SLC8A1: variants seen among roughly 807,000 people sequenced by gnomAD.
SLC8A1 encodes sodium/calcium exchanger 1.
SLC8A1 carries 18 observed loss-of-function variants against 68.3 expected under a neutral mutation model. The ratio of observed to expected loss-of-function variants is 0.26; its 90% confidence interval spans 0.18 to 0.39. SLC8A1 has a LOEUF of 0.39. Ranked by LOEUF, SLC8A1 falls within the 10% of genes least tolerant of loss-of-function variation. The probability of loss-of-function intolerance (pLI) is 1.00; values close to 1 mark genes in which losing one functional copy is unlikely to be tolerated. For synonymous variants in SLC8A1, 475 were observed against 415.5 expected, an observed-to-expected ratio of 1.14 and a Z score of -1.74; for missense variants, 985 against 1,156.7, an observed-to-expected ratio of 0.85 and a Z score of 2.15.
At chr2:40,348,737 T>A (rs967960016) in intron 2 of SLC8A1, among the ~76,000 whole-genome samples, 3 of 151,986 alleles carry the variant, frequency 2.0e-5, no homozygotes, top group Non-Finnish European at 4.4e-5. Flanking sequence ...TGCCATGTCT[T>A]GCCCTTAATG....
intron 2 of SLC8A1, among the ~76,000 whole-genome samples, chr2:40,410,013 G>T (rs1025823490): frequency 6.6e-6 from 1 of 152,038 alleles, no homozygotes; most frequent in African/African-American, 2.4e-5. Context: ...GGGAAAAAAA[G>T]GGGGAGGGGA....
At chr2:40,466,347 C>T (rs1251988072) in intron 1 of SLC8A1, among the ~76,000 whole-genome samples, 1 of 152,062 alleles carries the variant, frequency 6.6e-6, no homozygotes, top group Non-Finnish European at 1.5e-5. Context: ...TTTTGTGGAA[C>T]GATATACCCG....
intron 2 of SLC8A1, among the ~76,000 whole-genome samples, chr2:40,244,550 CATG>C (rs2061600562): frequency 9.0e-6 from 1 of 111,126 alleles, no homozygotes; most frequent in Admixed American, 1.2e-4. Context: ...AAGTGGTGTG[CATG>C]ATATGAAAAA....
Position 40,257,800 on chromosome 2 carries a change from T to C in SLC8A1, c.1809-79945A>G, listed in dbSNP as rs375075993. 1.9e-3 allele frequency among the ~76,000 whole-genome samples: 289 copies of C among 152,348 alleles called. 1 individual carries two copies. Among genetic ancestry groups the C allele is most frequent in the African/African-American group, 6.7e-3 (277 of 41,568 alleles). ...TCTAAATTTGACCTTCATGAAATTC[T>C]CCAGTAACTTTTTCTGCTCTGTCTT... On this transcript the variant is annotated intron_variant, in intron 2 of 7. Transcript: ENST00000406785.
chr2:40,302,369 C>T (rs13407512), intron 2 of SLC8A1, among the ~76,000 whole-genome samples: 1 of 151,288 alleles, frequency 6.6e-6, no homozygotes, highest in Non-Finnish European at 1.5e-5. Flanking sequence ...GAATAATAGT[C>T]TCCAGTTCCC....
Position 40,386,505 on chromosome 2 carries a change from C to T in SLC8A1, c.1808+41968G>A, listed in dbSNP as rs1004601149. ...AATAAAGCCTAAAGCTATTTTAGAT[C>T]AGGATTTTTATTTAACATCAAGTAA... On this transcript the variant is annotated intron_variant, in intron 2 of 7. Transcript: ENST00000406785. Among the ~76,000 whole-genome samples, 2 of 130,304 alleles carry T rather than the reference C, an allele frequency of 1.5e-5. 1 individual carries two copies. Among genetic ancestry groups the T allele is most frequent in the African/African-American group, 5.4e-5 (2 of 36,892 alleles). 85.5% of individuals were successfully genotyped at this position (130,304 alleles called of 152,430 possible).
intron 2 of SLC8A1, among the ~76,000 whole-genome samples, chr2:40,347,069 C>T (rs538250989): frequency 6.6e-6 from 1 of 152,302 alleles, no homozygotes; most frequent in East Asian, 1.9e-4. Context: ...CAATAGATAG[C>T]ACTTTGTATA....
At chr2:40,255,045 A>ATTTC (rs145455035) in intron 2 of SLC8A1, 7 of 134,604 alleles carry the variant, frequency 5.2e-5, no homozygotes, top group East Asian at 4.5e-4. Flanking sequence ...TTTGCTTTTT[A>ATTTC]TTTCTTTCTC....
chr2:40,282,620 C>T (rs1014876870), intron 2 of SLC8A1, among the ~76,000 whole-genome samples: 7 of 152,146 alleles, frequency 4.6e-5, no homozygotes, highest in Admixed American at 2.6e-4. Context: ...CATTTTTGCA[C>T]GCTCCTTTGC....
chr2:40,277,332 G>C lies in SLC8A1; in HGVS notation c.1809-99477C>G, dbSNP rs561424395. ...AAGGCGGGCGATCACTTGAGGCCAG[G>C]AGTTTGAGACCAGCCTGGCCAACCT... On this transcript the variant is annotated intron_variant, in intron 2 of 7. Transcript: ENST00000406785. Among the ~76,000 whole-genome samples, 8 of 152,164 alleles carry C rather than the reference G, an allele frequency of 5.3e-5. No individual in the cohort carries two copies. The South Asian group carries it at 1.0e-3, about 20-fold the overall frequency.
chr2:40,250,525 G>C (rs1445058516), intron 2 of SLC8A1: 1 of 152,050 alleles, frequency 6.6e-6, no homozygotes, highest in Admixed American at 6.6e-5. Flanking sequence ...TGCAAGCGTG[G>C]GGGGGCGGTG....
chr2:40,493,417 A>G (rs1382758038), intron 1 of SLC8A1, among the ~76,000 whole-genome samples: 2 of 151,908 alleles, frequency 1.3e-5, no homozygotes, highest in Non-Finnish European at 2.9e-5. Context: ...TAGTGTGTGC[A>G]GCACACCAGC....
chr2:40,474,185 T>C (rs1298823503), intron 1 of SLC8A1, among the ~76,000 whole-genome samples: 1 of 152,186 alleles, frequency 6.6e-6, no homozygotes, highest in Non-Finnish European at 1.5e-5. Flanking sequence ...AATATGATTT[T>C]AAATATATGG....
At chr2:40,500,795 C>CTT (rs1191619172) in intron 1 of SLC8A1, among the ~76,000 whole-genome samples, 2,047 of 37,056 alleles carry the variant, frequency 0.055, 486 homozygotes, top group African/African-American at 0.072. Flanking sequence ...TATCATCTGA[C>CTT]TTTTTTTTTT....
intron 2 of SLC8A1, among the ~76,000 whole-genome samples, chr2:40,207,076 G>C (rs1468214735): frequency 6.6e-6 from 1 of 152,052 alleles, no homozygotes; most frequent in Admixed American, 6.6e-5. Context: ...AAACATCTCT[G>C]TAGGTTTAAA....
At position 40,321,125 on chromosome 2, in the gene SLC8A1, C is replaced by T. The variant is rs184335513; in HGVS notation, c.1808+107348G>A. Among the ~76,000 whole-genome samples, 24 of 152,246 alleles carry T rather than the reference C, an allele frequency of 1.6e-4. No homozygotes were observed. The East Asian group carries it at 4.3e-3, about 27-fold the overall frequency. ...ACTTATGATGCCAATGAATCAATTT[C>T]CTCATCTACAAATTAAAGGGGATAT... is the stretch of plus-strand genomic sequence containing the variant. On this transcript the variant is annotated intron_variant, in intron 2 of 7. Transcript: ENST00000406785.
At chr2:40,160,798 C>G in exon 6 of SLC8A1, 6 of 1,613,268 alleles carry the variant, frequency 3.7e-6, no homozygotes, top group Non-Finnish European at 5.1e-6. Flanking sequence ...ATGAACTGTT[C>G]TCTCCAGCTG....
chr2:40,195,355 C>G (rs1360202968), intron 2 of SLC8A1, among the ~76,000 whole-genome samples: 1 of 151,758 alleles, frequency 6.6e-6, no homozygotes, highest in Non-Finnish European at 1.5e-5. Flanking sequence ...TATTGGGATG[C>G]TGAGGCTCAG....
At chr2:40,299,762 T>A (rs566670549) in intron 2 of SLC8A1, among the ~76,000 whole-genome samples, 1 of 151,818 alleles carries the variant, frequency 6.6e-6, no homozygotes, top group Admixed American at 6.6e-5. Context: ...TGAAAGAGAG[T>A]TTCAGCATAA....
Sources: allele counts gnomAD v4.1 joint callset (sites outside exome capture counted in the v4.1 genomes callset), GRCh38; gene constraint gnomAD v4.1.1; transcripts MANE v1.5; gene names NCBI Gene and HGNC (gene_info 2026-07-23, HGNC 2026-07-21).